Variants in PHACTR2 observed in about 807,000 individuals in gnomAD.
PHACTR2 encodes the protein chromosome 6 open reading frame 56.
Under a neutral mutation model 76.0 loss-of-function variants are expected in PHACTR2, and 30 were observed. The observed-to-expected ratio is 0.39, with a 90% CI of 0.30 to 0.54. The LOEUF (loss-of-function observed/expected upper bound fraction) is 0.54. Ranked by LOEUF, PHACTR2 falls within the 20% of genes least tolerant of loss-of-function variation. PHACTR2 has a pLI of 0.61. For missense variants in PHACTR2, 696 were observed against 781.1 expected (o/e 0.89, Z 1.30); for synonymous variants, 292 against 292.5 (o/e 1.00, Z 0.02).
Position 143,783,107 on chromosome 6 carries a change from G to C in PHACTR2, c.1646-112G>C. 9 of 635,628 alleles carry C rather than the reference G, an allele frequency of 1.4e-5. No individual in the cohort carries two copies. The South Asian group carries it at 1.6e-4, about 12-fold the overall frequency. 39.4% of individuals were successfully genotyped at this position (635,628 alleles called of 1,614,324 possible). A position where few individuals can be genotyped will look rare whatever the true frequency, so the allele number is the denominator to read the frequency against. On this transcript the variant is annotated intron_variant, in intron 9 of 12. Transcript: ENST00000440869. The surrounding 1 kb of genome is among the most constrained non-coding windows in gnomAD (Gnocchi z 5.2). ...TGACAACTTTTTAACAATGTTGGTT[G>C]TGTGTTTGATCATTATTTGTTAGAG...
chr6:143,664,035 A>G lies in PHACTR2; in HGVS notation c.14-47981A>G, dbSNP rs904789686. On this transcript the variant is annotated intron_variant, in intron 1 of 11. Transcript: ENST00000305766. This position sits in a 1 kb window ranked among gnomAD's most constrained non-coding sequence, Gnocchi z 5.1. ...ATTATTGTGGATCTGTCCGTTTATC[A>G]TTGTAATTCTGTTAGTTTTTGCTTT... 1.3e-5 allele frequency among the ~76,000 whole-genome samples: 2 copies of G among 152,118 alleles called. No individual in the cohort carries two copies. The highest frequency in any genetic ancestry group is 2.4e-5 in the African/African-American group (1 of 41,440).
chr6:143,748,220 C>G (rs1443914859), intron 2 of PHACTR2, among the ~76,000 whole-genome samples: 3 of 152,202 alleles, frequency 2.0e-5, no homozygotes, highest in Admixed American at 2.0e-4. Context: ...TGCCCACCAC[C>G]ATGACCAGCT....
At chr6:143,605,029 G>A (rs1457086716), upstream of PHACTR2, among the ~76,000 whole-genome samples, 1 of 150,918 alleles carries the variant, frequency 6.6e-6, no homozygotes, top group African/African-American at 2.4e-5. The surrounding 1 kb of genome is among the most constrained non-coding windows in gnomAD (Gnocchi z 5.0). Flanking sequence ...TTGGTGATGC[G>A]TTTGAAGACT....
Position 143,765,466 on chromosome 6 carries a change from C to T in PHACTR2, c.900C>T (p.Ser300=), listed in dbSNP as rs773663438. Residue 300 remains serine (S), a synonymous_variant, in exon 6 of 13, where the codon TCC becomes TCT. Transcript: ENST00000440869. The surrounding 1 kb of genome is among the most constrained non-coding windows in gnomAD (Gnocchi z 4.1). ...CAGACACAACAACTTCTGGCACATCCGACCTGAAAGGAGAGCCTGCAGAGA... is the reference window on the plus strand; with the variant it reads ...CAGACACAACAACTTCTGGCACATCTGACCTGAAAGGAGAGCCTGCAGAGA... ...LSSDTTTSGT[S]DLKGEPAETR... The T allele has an allele frequency of 2.5e-5, 41 of 1,614,174 alleles. 1 individual carries two copies. In the African/African-American group the frequency reaches 3.2e-4, roughly 13 times the overall value.
rs370090191 is a variant in PHACTR2, at chr6:143,648,093, G to A, written c.13+39771G>A. On this transcript the variant is annotated intron_variant, in intron 1 of 11. Coordinates refer to the PHACTR2 transcript ENST00000305766. This position sits in a 1 kb window ranked among gnomAD's most constrained non-coding sequence, Gnocchi z 6.7. ...GAACTGGTGGGTGATGACATTTGGG[G>A]TCTGTTTTGAGAATTCAGGGGATTT... 9.2e-5 allele frequency among the ~76,000 whole-genome samples: 14 copies of A among 152,226 alleles called. No homozygotes were observed. In the South Asian group the frequency reaches 2.9e-3, roughly 32 times the overall value.
chr6:143,626,438 G>T (rs932183254), intron 1 of PHACTR2, among the ~76,000 whole-genome samples: 1 of 151,648 alleles, frequency 6.6e-6, no homozygotes, highest in Admixed American at 6.6e-5. Flanking sequence ...TCCGGAGGCT[G>T]AGGCAGGAGA....
chr6:143,717,850 G>T (rs565449071), intron 2 of PHACTR2, among the ~76,000 whole-genome samples: 66 of 152,160 alleles, frequency 4.3e-4, no homozygotes, highest in Admixed American at 9.2e-4. Context: ...GGGATTACAG[G>T]CATGAACCAT....
intron 11 of PHACTR2, among the ~76,000 whole-genome samples, chr6:143,797,862 G>T (rs1308933262): frequency 6.6e-6 from 1 of 152,156 alleles, no homozygotes; most frequent in Non-Finnish European, 1.5e-5. Context: ...TCTTGCCCAG[G>T]ATTGTCTTGG....
chr6:143,748,591 G>GT (rs905355160), intron 2 of PHACTR2, among the ~76,000 whole-genome samples: 7 of 152,170 alleles, frequency 4.6e-5, no homozygotes, highest in African/African-American at 1.4e-4. Context: ...ATGTTTATGT[G>GT]TTTTTTTCTT....
chr6:143,643,308 A>T lies in PHACTR2; in HGVS notation c.13+34986A>T, dbSNP rs145513279. On this transcript the variant is annotated intron_variant, in intron 1 of 11. Coordinates refer to the PHACTR2 transcript ENST00000305766. The stretch of plus-strand genomic sequence containing the variant: ...AATTTAACGTCCCTTCTAGTTGGAG[A>T]ATTTTTAGTGGTTCGATTTAGAAAT... 6.8e-4 allele frequency among the ~76,000 whole-genome samples: 104 copies of T among 152,248 alleles called. 1 individual carries two copies. The East Asian group carries it at 0.019, about 28-fold the overall frequency.
rs1775736656 is a variant in PHACTR2, at chr6:143,595,351, C to A, written c.217+58144C>A. On this transcript the variant is annotated intron_variant, in intron 1 of 11. Transcript: ENST00000367584. This position sits in a 1 kb window ranked among gnomAD's most constrained non-coding sequence, Gnocchi z 4.2. The stretch of plus-strand genomic sequence containing the variant: ...AGGTAACTTTATTTCCAGCATTCGA[C>A]CAAAATGCAGGGATTTGGGCCACAT... 6.6e-6 allele frequency among the ~76,000 whole-genome samples: 1 copy of A among 152,306 alleles called. No individual in the cohort carries two copies. The highest frequency in any genetic ancestry group is 1.9e-4 in the East Asian group (1 of 5,192).
intron 2 of PHACTR2, among the ~76,000 whole-genome samples, chr6:143,714,065 A>G (rs539307636): frequency 6.6e-6 from 1 of 152,174 alleles, no homozygotes; most frequent in Admixed American, 6.5e-5. Flanking sequence ...AACCGCAATT[A>G]CTTTTGCACA....
chr6:143,750,284 A>G lies in PHACTR2; in HGVS notation c.295+1219A>G, dbSNP rs1332388641. Reference sequence around the variant, plus strand: ...AATTTTATGTTTTCCCTGTTTTTCTATTATTTTGAAGCTATTTATTTCCTG... The same window carrying G: ...AATTTTATGTTTTCCCTGTTTTTCTGTTATTTTGAAGCTATTTATTTCCTG... On this transcript the variant is annotated intron_variant, in intron 3 of 12. Coordinates refer to ENST00000440869, the MANE Select transcript of PHACTR2 (RefSeq NM_001100164.2). The surrounding 1 kb of genome is among the most constrained non-coding windows in gnomAD (Gnocchi z 4.6). 1.3e-5 allele frequency among the ~76,000 whole-genome samples: 2 copies of G among 152,102 alleles called. No individual in the cohort carries two copies. The highest frequency in any genetic ancestry group is 2.9e-5 in the Non-Finnish European group (2 of 67,992).
intron 1 of PHACTR2, among the ~76,000 whole-genome samples, chr6:143,682,803 A>G (rs1272149913): frequency 2.0e-5 from 3 of 150,710 alleles, no homozygotes; most frequent in Non-Finnish European, 4.4e-5. Context: ...TTTTTTTACC[A>G]TTAACTGTGC....
intron 1 of PHACTR2, among the ~76,000 whole-genome samples, chr6:143,657,327 C>G (rs1487390848): frequency 6.6e-6 from 1 of 152,092 alleles, no homozygotes; most frequent in Non-Finnish European, 1.5e-5. Context: ...ACTCCACACC[C>G]CTATCAAGAT....
intron 1 of PHACTR2, among the ~76,000 whole-genome samples, chr6:143,702,459 G>C (rs965590151): frequency 3.3e-5 from 5 of 152,160 alleles, no homozygotes; most frequent in African/African-American, 1.2e-4. Context: ...GCTACTAGGA[G>C]TGTTGCTGGT....
Position 143,616,670 on chromosome 6 carries a change from A to G in PHACTR2, c.13+8348A>G, listed in dbSNP as rs552317836. On this transcript the variant is annotated intron_variant, in intron 1 of 11. Coordinates refer to the PHACTR2 transcript ENST00000305766. The surrounding 1 kb of genome is among the most constrained non-coding windows in gnomAD (Gnocchi z 4.9). ...GCTCCTTCCTTCTAGTAGAGAAAGC[A>G]AAATTAGTAATGAATAGACAAAATG... Among the ~76,000 whole-genome samples, 4 of 152,190 alleles carry G rather than the reference A, an allele frequency of 2.6e-5. No individual in the cohort carries two copies. The highest frequency in any genetic ancestry group is 5.9e-5 in the Non-Finnish European group (4 of 68,038).
At chr6:143,687,655 C>G (rs1213189501) in intron 1 of PHACTR2, among the ~76,000 whole-genome samples, 2 of 152,152 alleles carry the variant, frequency 1.3e-5, no homozygotes, top group African/African-American at 4.8e-5. Context: ...TATAAACCAT[C>G]CCTCCATTTA....
intron 1 of PHACTR2, among the ~76,000 whole-genome samples, chr6:143,636,336 G>A (rs905535670): frequency 2.0e-5 from 3 of 152,062 alleles, no homozygotes; most frequent in African/African-American, 4.8e-5. Context: ...TAAGGGGTGA[G>A]GTTGGGATCC....
Sources: gnomAD v4.1 joint callset for allele counts (sites outside exome capture counted in the v4.1 genomes callset) on GRCh38, gnomAD v4.1.1 for gene constraint, Gnocchi (gnomAD v3.1) non-coding constraint, MANE v1.5 for transcripts, NCBI Gene and HGNC (gene_info 2026-07-23, HGNC 2026-07-21) for gene names.